The following ARHGAP29 variants were observed in gnomAD, a reference collection of about 807,000 sequenced individuals.
The protein encoded by ARHGAP29 is Rho GTPase activating protein 29.
In ARHGAP29, 43 loss-of-function variants were observed where a neutral mutation model predicts 122.6. That is an observed-to-expected ratio of 0.35 (90% confidence interval 0.27 to 0.45). The LOEUF is 0.45. Among genes scored for constraint, ARHGAP29 ranks in the 20% least tolerant of loss-of-function variants. The pLI, the probability that ARHGAP29 is intolerant of heterozygous loss-of-function variation, is 1.00. For synonymous variants in ARHGAP29, 506 were observed against 497.1 expected (o/e 1.02, Z -0.24); for missense variants, 1,303 against 1,477.2 (o/e 0.88, Z 1.93).
chr1:94,228,618 T>A (rs1652750842), intron 2 of ARHGAP29, among the ~76,000 whole-genome samples: 1 of 151,756 alleles, frequency 6.6e-6, no homozygotes, highest in Non-Finnish European at 1.5e-5. Flanking sequence ...ATACATCTCA[T>A]CTGTGAAACG....
upstream of ARHGAP29, among the ~76,000 whole-genome samples, chr1:94,277,034 C>T (rs886879860): frequency 2.6e-5 from 4 of 152,130 alleles, no homozygotes; most frequent in African/African-American, 7.2e-5. Flanking sequence ...AAAATTGTTA[C>T]TGTGGCCTTT....
upstream of ARHGAP29, among the ~76,000 whole-genome samples, chr1:94,240,883 A>C (rs936780914): frequency 6.6e-6 from 1 of 152,166 alleles, no homozygotes; most frequent in African/African-American, 2.4e-5. Flanking sequence ...CAGTACTGTT[A>C]ATTTTACTTC....
At chr1:94,287,836 CT>C in the ARHGAP29 span, among the ~76,000 whole-genome samples, 7,731 of 152,062 alleles carry the variant, frequency 0.051, 674 homozygotes, top group African/African-American at 0.18. Flanking sequence ...TGAACTCATC[CT>C]TTTTTTATGG....
intron 1 of ARHGAP29, among the ~76,000 whole-genome samples, chr1:94,271,997 T>C (rs1655010843): frequency 1.3e-5 from 2 of 152,078 alleles, no homozygotes; most frequent in Admixed American, 1.3e-4. Context: ...TTTTAGACAA[T>C]GGGGGCAGGG....
At chr1:94,269,764 G>A (rs527337471) in intron 1 of ARHGAP29, among the ~76,000 whole-genome samples, 3 of 152,242 alleles carry the variant, frequency 2.0e-5, no homozygotes, top group South Asian at 2.1e-4. Flanking sequence ...TAAAGCTGAC[G>A]AAATCATAGT....
chr1:94,225,329 C>T (rs1044776985), intron 2 of ARHGAP29, among the ~76,000 whole-genome samples: 2 of 152,066 alleles, frequency 1.3e-5, no homozygotes, highest in African/African-American at 4.8e-5. Context: ...TCAGATTCAT[C>T]CTCAGTAAAA....
At chr1:94,265,830 G>A (rs1347848675) in intron 1 of ARHGAP29, among the ~76,000 whole-genome samples, 1 of 152,190 alleles carries the variant, frequency 6.6e-6, no homozygotes, top group Non-Finnish European at 1.5e-5. Context: ...GTGAGAGGCT[G>A]TGGGTGCTAT....
chr1:94,258,822 C>T (rs1172618288), intron 1 of ARHGAP29, among the ~76,000 whole-genome samples: 1 of 152,172 alleles, frequency 6.6e-6, no homozygotes, highest in Non-Finnish European at 1.5e-5. Context: ...TTAATATGAA[C>T]AAGTTCACCC....
chr1:94,203,291 A>G, intron 8 of ARHGAP29, 81 bp from the exon 9 acceptor site: 1 of 960,582 alleles, frequency 1.0e-6, no homozygotes, highest in South Asian at 2.0e-5. Context: ...TTCTTCAAAA[A>G]GGGAAACTAA....
At chr1:94,194,583 T>C (rs1650329218) in intron 12 of ARHGAP29, 1 of 152,162 alleles carries the variant, frequency 6.6e-6, no homozygotes, top group Admixed American at 6.5e-5. Flanking sequence ...TGTTCTTTTC[T>C]CTCTGTGTCC....
chr1:94,230,612 C>T (rs1225017751), intron 2 of ARHGAP29, among the ~76,000 whole-genome samples: 1 of 151,668 alleles, frequency 6.6e-6, no homozygotes, highest in Non-Finnish European at 1.5e-5. Context: ...TGAAATCTTA[C>T]AAATTTCTAT....
At chr1:94,232,864 T>C (rs1653010280) in intron 1 of ARHGAP29, among the ~76,000 whole-genome samples, 1 of 152,122 alleles carries the variant, frequency 6.6e-6, no homozygotes, top group South Asian at 2.1e-4. Flanking sequence ...TTGTCTTGAA[T>C]ATTTGGCTAC....
intron 3 of ARHGAP29, among the ~76,000 whole-genome samples, chr1:94,210,446 G>C (rs764453023): frequency 1.3e-5 from 2 of 152,186 alleles, no homozygotes; most frequent in Non-Finnish European, 2.9e-5. Context: ...ACGAGAGTTG[G>C]AAAGCAAGAA....
intron 15 of ARHGAP29, among the ~76,000 whole-genome samples, chr1:94,187,287 T>TAA (rs1208056315): frequency 3.3e-5 from 5 of 152,228 alleles, no homozygotes; most frequent in Admixed American, 3.3e-4. Flanking sequence ...CGTAAGGCCT[T>TAA]AAACGTTTCA....
intron 12 of ARHGAP29, among the ~76,000 whole-genome samples, chr1:94,196,916 G>A (rs191969391): frequency 1.3e-5 from 2 of 152,212 alleles, no homozygotes; most frequent in East Asian, 1.9e-4. Context: ...AGAATTAAAT[G>A]TATCAGAAAA....
chr1:94,251,370 C>G (rs754391774), intron 1 of ARHGAP29, among the ~76,000 whole-genome samples: 30 of 151,984 alleles, frequency 2.0e-4, no homozygotes, highest in Non-Finnish European at 3.7e-4. Context: ...GGGGTTTCAC[C>G]GTGTTAGCTA....
the ARHGAP29 span, among the ~76,000 whole-genome samples, chr1:94,297,395 C>T: frequency 6.6e-6 from 1 of 152,172 alleles, no homozygotes; most frequent in Non-Finnish European, 1.5e-5. Flanking sequence ...AGTGATGCTT[C>T]CAAGGACAAC....
intron 1 of ARHGAP29, among the ~76,000 whole-genome samples, chr1:94,269,554 A>T (rs1399214305): frequency 1.3e-5 from 2 of 151,376 alleles, no homozygotes; most frequent in African/African-American, 4.8e-5. Context: ...AGGGAGCAAA[A>T]TATATCATTA....
chr1:94,186,999 T>C (rs990165282), intron 15 of ARHGAP29, among the ~76,000 whole-genome samples: 1 of 152,328 alleles, frequency 6.6e-6, no homozygotes, highest in East Asian at 1.9e-4. Flanking sequence ...TATAAATGTA[T>C]ACAATTAAAC....
Sources: gnomAD v4.1 joint callset for allele counts (sites outside exome capture counted in the v4.1 genomes callset) on GRCh38, gnomAD v4.1.1 for gene constraint, MANE v1.5 for transcripts, NCBI Gene and HGNC (gene_info 2026-07-23, HGNC 2026-07-21) for gene names.